XPNPEP1: variants seen among roughly 807,000 people sequenced by gnomAD.
The protein encoded by XPNPEP1 is X-prolyl aminopeptidase 1.
A neutral mutation model predicts 92.4 loss-of-function variants in XPNPEP1; 39 were observed. The ratio of observed to expected loss-of-function variants is 0.42; its 90% CI spans 0.33 to 0.55. The LOEUF is 0.55. XPNPEP1 is among the 20% of genes least tolerant of loss of function. The pLI is 0.08. For missense variants in XPNPEP1, 654 were observed against 856.1 expected, an observed-to-expected ratio of 0.76 and a Z score of 2.95; for synonymous variants, 307 against 299.4, an observed-to-expected ratio of 1.03 and a Z score of -0.26.
At chr10:109,921,512 C>G (rs1850539237) in intron 1 of XPNPEP1, among the ~76,000 whole-genome samples, 1 of 152,158 alleles carries the variant, frequency 6.6e-6, no homozygotes, top group Non-Finnish European at 1.5e-5. Context: ...AATACCTCAC[C>G]CCCCTGCAAC....
chr10:109,869,799 C>T (rs1847348134), intron 19 of XPNPEP1, 154 bp downstream of exon 19: 3 of 697,252 alleles, frequency 4.3e-6, no homozygotes, highest in Non-Finnish European at 7.1e-6. Context: ...ATGGCATACT[C>T]TTGGCTCCAA....
rs115708138 is a variant in XPNPEP1, at chr10:109,871,605, C to T, written c.1522+187G>A. Reference sequence around the variant, plus strand: ...GGGGGTACTGGGCCCAATCCTAACCCGGCTCCCTGAGGCCTCTGGGCTCAG... The same window carrying T: ...GGGGGTACTGGGCCCAATCCTAACCTGGCTCCCTGAGGCCTCTGGGCTCAG... On this transcript the variant is annotated intron_variant, in intron 17 of 20. Coordinates refer to ENST00000502935, the MANE Select transcript of XPNPEP1 (RefSeq NM_020383.4). Among the ~76,000 whole-genome samples the T allele has an allele frequency of 1.5e-3, 226 of 152,276 alleles. 1 individual carries two copies. The highest frequency in any genetic ancestry group is 5.3e-3 in the African/African-American group (219 of 41,566).
intron 10 of XPNPEP1, 38 bp downstream of exon 10, chr10:109,882,394 G>T: frequency 6.3e-7 from 1 of 1,594,542 alleles, no homozygotes; most frequent in Non-Finnish European, 8.6e-7. Context: ...TGGGAAGGGG[G>T]TGGCAGAGTT....
chr10:109,914,105 G>C (rs1426500114), intron 2 of XPNPEP1, among the ~76,000 whole-genome samples: 1 of 151,856 alleles, frequency 6.6e-6, no homozygotes, highest in East Asian at 1.9e-4. Flanking sequence ...AAAAACACAT[G>C]GTTCTCCTTA....
intron 2 of XPNPEP1, among the ~76,000 whole-genome samples, chr10:109,912,765 A>G (rs1849949131): frequency 1.3e-5 from 2 of 152,250 alleles, no homozygotes; most frequent in South Asian, 4.1e-4. Context: ...AATGTGATAA[A>G]TTGTGTAAAC....
intron 6 of XPNPEP1, 21 bp downstream of exon 6, chr10:109,888,481 GA>G (rs748718050): frequency 6.3e-7 from 1 of 1,594,218 alleles, no homozygotes; most frequent in Non-Finnish European, 8.6e-7. Flanking sequence ...TACCCAAGCA[GA>G]AAGGGACCAA....
intron 2 of XPNPEP1, among the ~76,000 whole-genome samples, chr10:109,908,850 T>C (rs955525303): frequency 1.3e-5 from 2 of 152,182 alleles, no homozygotes; most frequent in African/African-American, 4.8e-5. Context: ...CAGCTACAGA[T>C]TTAGAGAAGA....
intron 3 of XPNPEP1, among the ~76,000 whole-genome samples, chr10:109,901,158 T>A (rs915035777): frequency 1.3e-5 from 2 of 150,052 alleles, no homozygotes; most frequent in Non-Finnish European, 2.9e-5. Context: ...CTGGAAACCA[T>A]CATTCTGAGC....
chr10:109,900,705 G>T lies in XPNPEP1; in HGVS notation c.246+6986C>A, dbSNP rs563059394. On this transcript the variant is annotated intron_variant, in intron 3 of 20. Transcript: ENST00000502935. Reference sequence around the variant, plus strand: ...GGCCTAACAGGTTTCTCAATTCCCAGAGTCTCCTTTCTCCAACCCATACTA... The same window carrying T: ...GGCCTAACAGGTTTCTCAATTCCCATAGTCTCCTTTCTCCAACCCATACTA... 2.7e-3 allele frequency among the ~76,000 whole-genome samples: 418 copies of T among 152,206 alleles called. 2 individuals carry two copies. The highest frequency in any genetic ancestry group is 3.5e-3 in the Non-Finnish European group (239 of 68,018).
At chr10:109,878,396 A>G in intron 12 of XPNPEP1, 1 of 226,672 alleles carries the variant, frequency 4.4e-6, no homozygotes, top group South Asian at 8.0e-5. Context: ...AATAAAAAAG[A>G]TAAATGCGGA....
intron 3 of XPNPEP1, among the ~76,000 whole-genome samples, chr10:109,900,413 G>T (rs1418612411): frequency 6.6e-6 from 1 of 152,124 alleles, no homozygotes. Context: ...CACAATCACA[G>T]CAAGGATCCA....
At chr10:109,876,792 C>G (rs1251397615) in intron 14 of XPNPEP1, 1 of 152,262 alleles carries the variant, frequency 6.6e-6, no homozygotes, top group Non-Finnish European at 1.5e-5. Context: ...ATACCCAGTG[C>G]AAAGCAAAGC....
At chr10:109,886,563 C>T (rs905506702) in intron 7 of XPNPEP1, among the ~76,000 whole-genome samples, 4 of 152,208 alleles carry the variant, frequency 2.6e-5, no homozygotes, top group Admixed American at 6.5e-5. Context: ...CATTCATTTA[C>T]GCATCCCACA....
At chr10:109,866,913 A>G (rs1401168723) in intron 20 of XPNPEP1, among the ~76,000 whole-genome samples, 2 of 152,256 alleles carry the variant, frequency 1.3e-5, no homozygotes, top group Non-Finnish European at 2.9e-5. Flanking sequence ...TCTATGTCCA[A>G]TGTCACGGGA....
intron 3 of XPNPEP1, among the ~76,000 whole-genome samples, chr10:109,906,482 T>A (rs368801563): frequency 6.6e-6 from 1 of 152,194 alleles, no homozygotes; most frequent in African/African-American, 2.4e-5. Context: ...CCTGCCCTCA[T>A]GTTCCACAAG....
intron 1 of XPNPEP1, among the ~76,000 whole-genome samples, chr10:109,919,759 C>T (rs1036317799): frequency 2.0e-5 from 3 of 152,184 alleles, no homozygotes; most frequent in South Asian, 4.1e-4. Flanking sequence ...TCACGCCAGG[C>T]GCGGTAGCTC....
At position 109,916,819 on chromosome 10, in the gene XPNPEP1, A is replaced by G. The variant is rs554461001; in HGVS notation, c.33-1720T>C. Among the ~76,000 whole-genome samples, 39 of 152,328 alleles carry G rather than the reference A, an allele frequency of 2.6e-4. No individual in the cohort carries two copies. The South Asian group carries it at 5.6e-3, about 22-fold the overall frequency. On this transcript the variant is annotated intron_variant, in intron 1 of 20. Coordinates refer to ENST00000502935, the MANE Select transcript of XPNPEP1 (RefSeq NM_020383.4). ...TATCCCAGGAATACAAGGTTGGCTCAATATATGAAAAATCAATTATTATAA... is the reference window on the plus strand; with the variant it reads ...TATCCCAGGAATACAAGGTTGGCTCGATATATGAAAAATCAATTATTATAA...
At chr10:109,911,336 C>T (rs1306349255) in intron 2 of XPNPEP1, among the ~76,000 whole-genome samples, 1 of 152,084 alleles carries the variant, frequency 6.6e-6, no homozygotes, top group Non-Finnish European at 1.5e-5. Flanking sequence ...AGGCTGGACT[C>T]CTGGGTTCAA....
rs375414710 is a variant in XPNPEP1, at chr10:109,917,055, A to AATGTCTACTCTTGGCAGAGTAGACAGGG, written c.33-1984_33-1957dup. ...GAATGCTTTCCCCTATAATCTAGGG[A>AATGTCTACTCTTGGCAGAGTAGACAGGG]ATGTCTACTCTTGGCAGAGTAGACA... On this transcript the variant is annotated intron_variant, in intron 1 of 20. Coordinates refer to ENST00000502935, the MANE Select transcript of XPNPEP1 (RefSeq NM_020383.4). 9.1e-3 allele frequency among the ~76,000 whole-genome samples: 1,388 copies of AATGTCTACTCTTGGCAGAGTAGACAGGG among 152,196 alleles called. 15 individuals are homozygous for AATGTCTACTCTTGGCAGAGTAGACAGGG. The highest frequency in any genetic ancestry group is 0.027 in the African/African-American group (1,114 of 41,446).
Sources: allele counts gnomAD v4.1 joint callset (sites outside exome capture counted in the v4.1 genomes callset), GRCh38; gene constraint gnomAD v4.1.1; transcripts MANE v1.5; gene names NCBI Gene and HGNC (gene_info 2026-07-23, HGNC 2026-07-21).